SLC2A9: variants seen among roughly 807,000 people sequenced by gnomAD.
SLC2A9 encodes solute carrier family 2 member 9.
A neutral mutation model predicts 50.6 loss-of-function variants in SLC2A9; 39 were observed. The observed-to-expected ratio is 0.77, with a 90% CI of 0.60 to 1.01. The LOEUF (loss-of-function observed/expected upper bound fraction) is 1.01. SLC2A9 is among the 50% of genes least tolerant of loss of function. The pLI is 0.00. For missense variants in SLC2A9, 686 were observed against 677.6 expected (o/e 1.01, Z -0.14); for synonymous variants, 324 against 276.9 (o/e 1.17, Z -1.69).
intron 1 of SLC2A9, among the ~76,000 whole-genome samples, chr4:10,020,972 G>A: frequency 6.6e-6 from 1 of 152,224 alleles, no homozygotes; most frequent in East Asian, 1.9e-4. Flanking sequence ...GCCATGCCCT[G>A]GGGAGGGTGA....
At chr4:9,811,532 C>A (rs755872045) in intron 3 of SLC2A9, among the ~76,000 whole-genome samples, 1 of 152,110 alleles carries the variant, frequency 6.6e-6, no homozygotes. Context: ...GACATCCCAG[C>A]CATTCTAGCC....
At chr4:9,891,862 G>A (rs891968816) in intron 8 of SLC2A9, among the ~76,000 whole-genome samples, 1 of 152,220 alleles carries the variant, frequency 6.6e-6, no homozygotes, top group Non-Finnish European at 1.5e-5. Flanking sequence ...CATTTGGCTT[G>A]GACAAGGGGA....
intron 10 of SLC2A9, among the ~76,000 whole-genome samples, chr4:9,885,536 G>A (rs540509965): frequency 1.5e-4 from 23 of 152,182 alleles, no homozygotes; most frequent in Non-Finnish European, 2.8e-4. Context: ...TGCTGCCAGG[G>A]CAGGCTCCCG....
At chr4:10,015,340 T>C (rs962252134) in intron 2 of SLC2A9, among the ~76,000 whole-genome samples, 5 of 152,194 alleles carry the variant, frequency 3.3e-5, no homozygotes, top group Admixed American at 2.0e-4. Flanking sequence ...GGCACGGATC[T>C]TGGATTCAGA....
chr4:9,798,574 T>A (rs1720897291), downstream of SLC2A9: 1 of 152,116 alleles, frequency 6.6e-6, no homozygotes, highest in Non-Finnish European at 1.5e-5. Flanking sequence ...TGATTAGATG[T>A]CATGAGCGTG....
In SLC2A9 at chr4:9,894,480, G is replaced by A. The variant is rs145345396; in HGVS notation, c.1114-3769C>T. ...ATTTTATTTGTCTGTCAGTTTTCCT[G>A]ATTTTCTCCGGAGAGTTTTGACTTA... On this transcript the variant is annotated intron_variant, in intron 8 of 11. Transcript: ENST00000264784. Among the ~76,000 whole-genome samples the A allele has an allele frequency of 2.6e-5, 4 of 152,318 alleles. No individual in the cohort carries two copies. In the South Asian group the frequency reaches 6.2e-4, roughly 24 times the overall value.
intron 1 of SLC2A9, chr4:10,035,438 C>G (rs759539086): frequency 2.0e-5 from 3 of 152,256 alleles, no homozygotes; most frequent in Non-Finnish European, 4.4e-5. Flanking sequence ...ATGCTGGTTG[C>G]TTGGCACTGA....
chr4:9,948,099 A>G (rs1258764584), intron 5 of SLC2A9, among the ~76,000 whole-genome samples: 1 of 151,980 alleles, frequency 6.6e-6, no homozygotes, highest in Non-Finnish European at 1.5e-5. Flanking sequence ...GTAGGTGGCC[A>G]CTTATTTCTT....
At chr4:9,776,895 T>C (rs1009619292), downstream of SLC2A9, among the ~76,000 whole-genome samples, 1 of 152,078 alleles carries the variant, frequency 6.6e-6, no homozygotes, top group African/African-American at 2.4e-5. Context: ...CTCATACCTC[T>C]CCCTCCCGTG....
intron 10 of SLC2A9, among the ~76,000 whole-genome samples, chr4:9,869,098 A>G (rs1478735200): frequency 6.6e-6 from 1 of 152,216 alleles, no homozygotes; most frequent in Non-Finnish European, 1.5e-5. Context: ...GACAGAGCCT[A>G]TTGGCAATAA....
chr4:9,846,459 G>A (rs1729012080), intron 10 of SLC2A9, among the ~76,000 whole-genome samples: 1 of 152,072 alleles, frequency 6.6e-6, no homozygotes, highest in African/African-American at 2.4e-5. Flanking sequence ...CTAGGGATGA[G>A]GAGGTATAGC....
At chr4:9,904,356 C>G (rs910689950) in intron 8 of SLC2A9, among the ~76,000 whole-genome samples, 2 of 152,160 alleles carry the variant, frequency 1.3e-5, no homozygotes, top group Admixed American at 6.6e-5. Context: ...GCGTGTGACC[C>G]CTTCCTCACC....
chr4:9,903,338 T>C (rs1358143027), intron 8 of SLC2A9, among the ~76,000 whole-genome samples: 1 of 152,052 alleles, frequency 6.6e-6, no homozygotes, highest in African/African-American at 2.4e-5. Context: ...TGAATCAGAA[T>C]GACTTCCTGT....
chr4:9,974,518 G>GAAA (rs1553898355), intron 5 of SLC2A9, among the ~76,000 whole-genome samples: 1 of 68,028 alleles, frequency 1.5e-5, no homozygotes, highest in African/African-American at 3.7e-5. Flanking sequence ...TATAATAGCT[G>GAAA]CCAAAAAAAA....
intron 11 of SLC2A9, among the ~76,000 whole-genome samples, chr4:9,834,182 C>T (rs1726650274): frequency 6.6e-6 from 1 of 152,200 alleles, no homozygotes; most frequent in African/African-American, 2.4e-5. Context: ...GCGCAACGGT[C>T]ACCTCCTTCC....
intron 9 of SLC2A9, 93 bp downstream of exon 9, chr4:9,890,517 G>T: frequency 1.7e-6 from 2 of 1,164,080 alleles, no homozygotes; most frequent in East Asian, 2.4e-5. Context: ...TTCTGTAGAA[G>T]TATGAACCCA....
chr4:9,919,651 G>A (rs1192883677), intron 7 of SLC2A9, among the ~76,000 whole-genome samples: 1 of 152,166 alleles, frequency 6.6e-6, no homozygotes, highest in Admixed American at 6.5e-5. Context: ...TGACCTCAGA[G>A]GCAGTTTGGA....
At chr4:9,951,836 A>T (rs4467563) in intron 5 of SLC2A9, among the ~76,000 whole-genome samples, 73,407 of 152,178 alleles carry the variant, frequency 0.48, 19,094 homozygotes, top group African/African-American at 0.67. Flanking sequence ...TAAAATTGTC[A>T]GAAAAGGACA....
chr4:9,903,021 A>G (rs969473663), intron 8 of SLC2A9, among the ~76,000 whole-genome samples: 1 of 152,166 alleles, frequency 6.6e-6, no homozygotes, highest in African/African-American at 2.4e-5. Context: ...TAAGAGAAAA[A>G]TGGGTATCAG....
Sources: allele counts gnomAD v4.1 joint callset (sites outside exome capture counted in the v4.1 genomes callset), GRCh38; gene constraint gnomAD v4.1.1; transcripts MANE v1.5; gene names NCBI Gene and HGNC (gene_info 2026-07-23, HGNC 2026-07-21).